Variants in BHMT observed in about 807,000 individuals in gnomAD.
BHMT encodes the protein betaine--homocysteine S-methyltransferase, also known as betaine--homocysteine S-methyltransferase 1.
BHMT carries 38 observed loss-of-function variants against 49.5 expected under a neutral mutation model. That is an observed-to-expected ratio of 0.77 (90% CI 0.59 to 1.01). The LOEUF is 1.01. Ranked by LOEUF, BHMT falls within the 50% of genes least tolerant of loss-of-function variation. The pLI is 0.00. For missense variants in BHMT, 426 were observed against 495.7 expected, an observed-to-expected ratio of 0.86 and a Z score of 1.34; for synonymous variants, 166 against 176.3, an observed-to-expected ratio of 0.94 and a Z score of 0.46.
chr5:79,119,211 C>T (rs145214742), intron 2 of BHMT, 48 bp from the exon 3 acceptor site: 21 of 1,375,550 alleles, frequency 1.5e-5, no homozygotes, highest in African/African-American at 1.2e-4. Flanking sequence ...TTGAAAATAT[C>T]GTGTGTTAAT....
intron 7 of BHMT, chr5:79,128,254 C>T (rs1250032045): frequency 1.7e-5 from 6 of 361,404 alleles, no homozygotes; most frequent in Non-Finnish European, 3.0e-5. Flanking sequence ...GGTGCGGTGG[C>T]TCGCGCCTGT....
Position 79,121,374 on chromosome 5 carries a change from A to C in BHMT, c.625+9A>C, listed in dbSNP as rs750228837. On this transcript the variant is annotated intron_variant, in intron 5 of 7. Transcript: ENST00000274353. ...GCGCCTGGTGAAAGCAGGTGATGAT[A>C]GATTTCAATCAGTTTGTGATTAGTA... The C allele has an allele frequency of 1.2e-6, 2 of 1,614,024 alleles. No individual in the cohort carries two copies. Among genetic ancestry groups the C allele is most frequent in the South Asian group, 2.2e-5 (2 of 91,082 alleles).
At position 79,124,875 on chromosome 5, in the gene BHMT, A is replaced by C. The variant is rs552098482; in HGVS notation, c.626-1171A>C. Among the ~76,000 whole-genome samples the C allele has an allele frequency of 1.2e-4, 18 of 152,310 alleles. No individual in the cohort carries two copies. The East Asian group carries it at 3.3e-3, about 28-fold the overall frequency. On this transcript the variant is annotated intron_variant, in intron 5 of 7. Transcript: ENST00000274353. ...AGGATTTTTGAGATTCTTTTTCCCC[A>C]AACTATTAATCCTAGACACAAAATT... is the stretch of plus-strand genomic sequence containing the variant.
chr5:79,122,240 C>T (rs190080831), intron 5 of BHMT, among the ~76,000 whole-genome samples: 1 of 152,254 alleles, frequency 6.6e-6, no homozygotes, highest in Admixed American at 6.5e-5. Flanking sequence ...TGCGCCCGGC[C>T]TTAGGCAGAT....
rs565192971 is a variant in BHMT, at chr5:79,126,325, G to C, written c.808+97G>C. ...CCCAGAGATCTTTTGTCATAGTGAAGAGATGGCTTGGTGTCTCCTCATGTC... is the reference window on the plus strand; with the variant it reads ...CCCAGAGATCTTTTGTCATAGTGAACAGATGGCTTGGTGTCTCCTCATGTC... On this transcript the variant is annotated intron_variant, in intron 6 of 7. Transcript: ENST00000274353. The C allele has an allele frequency of 2.4e-5, 34 of 1,406,506 alleles. No individual in the cohort carries two copies. The South Asian group carries it at 4.2e-4, about 17-fold the overall frequency. 87.1% of individuals were successfully genotyped at this position (1,406,506 alleles called of 1,614,324 possible).
At chr5:79,117,054 C>G (rs1756396399) in intron 2 of BHMT, among the ~76,000 whole-genome samples, 1 of 152,092 alleles carries the variant, frequency 6.6e-6, no homozygotes, top group Non-Finnish European at 1.5e-5. Flanking sequence ...ATAATTGCCC[C>G]CAGGTGACTC....
At position 79,131,225 on chromosome 5, in the gene BHMT, A is replaced by G; in HGVS notation, c.*109A>G. The G allele has an allele frequency of 9.8e-7, 1 of 1,022,172 alleles. No homozygotes were observed. 63.3% of individuals were successfully genotyped at this position (1,022,172 alleles called of 1,614,324 possible). A position where few individuals can be genotyped will look rare whatever the true frequency, so the allele number is the denominator to read the frequency against. On this transcript the variant is annotated 3_prime_UTR_variant, in exon 8 of 8. Coordinates refer to ENST00000274353, the MANE Select transcript of BHMT (RefSeq NM_001713.3). ...TGCTTTCATGAATGCCATCCTACACATATTATTGCTATTACCTGAACAAAA... is the reference window on the plus strand; with the variant it reads ...TGCTTTCATGAATGCCATCCTACACGTATTATTGCTATTACCTGAACAAAA...
chr5:79,128,528 T>TAAAAAAAAAAA, intron 7 of BHMT, among the ~76,000 whole-genome samples: 1 of 133,002 alleles, frequency 7.5e-6, no homozygotes, highest in South Asian at 2.6e-4. Context: ...AGACCCTGTT[T>TAAAAAAAAAAA]TAAAAAAAAA....
chr5:79,122,502 C>A (rs1181761311), intron 5 of BHMT, among the ~76,000 whole-genome samples: 1 of 151,794 alleles, frequency 6.6e-6, no homozygotes, highest in Non-Finnish European at 1.5e-5. Flanking sequence ...AAATAGCCAA[C>A]ATATTATTAA....
intron 5 of BHMT, among the ~76,000 whole-genome samples, chr5:79,123,473 A>G (rs1189478720): frequency 6.6e-6 from 1 of 152,170 alleles, no homozygotes; most frequent in Non-Finnish European, 1.5e-5. Context: ...TCTATATACA[A>G]AATACAAAAT....
At chr5:79,130,109 G>C (rs1386305964) in intron 7 of BHMT, among the ~76,000 whole-genome samples, 3 of 152,138 alleles carry the variant, frequency 2.0e-5, no homozygotes, top group Non-Finnish European at 4.4e-5. Flanking sequence ...GGGAGGCGGG[G>C]GTTGCAGTGA....
At chr5:79,121,516 G>A in intron 5 of BHMT, 151 bp downstream of exon 5, 2 of 1,227,626 alleles carry the variant, frequency 1.6e-6, no homozygotes, top group African/African-American at 1.5e-5. Context: ...GAATCCCAGA[G>A]GAAAAGTTTT....
chr5:79,126,358 T>G (rs1268073760), intron 6 of BHMT, 130 bp downstream of exon 6: 1 of 1,116,090 alleles, frequency 9.0e-7, no homozygotes, highest in Non-Finnish European at 1.3e-6. Flanking sequence ...GTCTTGTCCC[T>G]GGTTTCTGTC....
intron 1 of BHMT, among the ~76,000 whole-genome samples, chr5:79,114,491 T>C (rs777030228): frequency 3.9e-5 from 6 of 152,174 alleles, no homozygotes; most frequent in Non-Finnish European, 1.5e-5. Flanking sequence ...TGGCAAGGAA[T>C]TGGGATGCAA....
At chr5:79,122,543 G>A (rs73769970) in intron 5 of BHMT, among the ~76,000 whole-genome samples, 161 of 151,946 alleles carry the variant, frequency 1.1e-3, no homozygotes, top group African/African-American at 3.7e-3. Flanking sequence ...AATTAAGCAA[G>A]GAAAGAGAAA....
Position 79,115,797 on chromosome 5 carries a change from A to T in BHMT, c.64A>T (p.Ile22Phe). The T allele has an allele frequency of 6.2e-7, 1 of 1,613,464 alleles. No homozygotes were observed. The highest frequency in any genetic ancestry group is 8.5e-7 in the Non-Finnish European group (1 of 1,179,688). Residue 22 changes from isoleucine (I) to phenylalanine (F), a missense_variant, in exon 2 of 8, where the codon ATT (isoleucine) becomes TTT (phenylalanine). Ile to Phe is a conservative substitution (Grantham distance 21, BLOSUM62 0). Coordinates refer to ENST00000274353, the MANE Select transcript of BHMT (RefSeq NM_001713.3). ...GILERLNAGEIVIGDGGFVFA... is the reference protein window; with the variant it reads ...GILERLNAGEFVIGDGGFVFA... ...CCTAGAACGTTTAAATGCTGGAGAG[A>T]TTGTGATTGGAGATGGAGGGTTTGT...
chr5:79,115,767 G>T lies in BHMT; in HGVS notation c.34G>T (p.Gly12Cys). ...PPVGGKKAKK[G>C]ILERLNAGEI... The stretch of plus-strand genomic sequence containing the variant: ...TTTCCTCCCTCATCTGTAATTTTAG[G>T]GCATCCTAGAACGTTTAAATGCTGG... Residue 12 changes from glycine to cysteine, a missense_variant and splice_region_variant, in exon 2 of 8, where the codon GGC becomes TGC. Physicochemically the swap from Gly to Cys is radical, Grantham distance 159 (BLOSUM62 -3). Around this residue, in one of 3 missense-constraint regions of BHMT, gnomAD observed 321 missense variants for 355.9 expected, o/e 0.90. Transcript: ENST00000274353. 6.3e-7 allele frequency: 1 copy of T among 1,597,320 alleles called. No individual in the cohort carries two copies. Among genetic ancestry groups the T allele is most frequent in the South Asian group, 1.1e-5 (1 of 87,626 alleles).
chr5:79,131,273 T>A lies in BHMT; in HGVS notation c.*157T>A. The stretch of plus-strand genomic sequence containing the variant: ...AAATAGAATTACAAATAGCACTTGA[T>A]AATTTTAAAGTATGTTTTAGAAATT... On this transcript the variant is annotated 3_prime_UTR_variant, in exon 8 of 8. Coordinates refer to ENST00000274353, the MANE Select transcript of BHMT (RefSeq NM_001713.3). The A allele has an allele frequency of 1.4e-6, 1 of 739,330 alleles. No homozygotes were observed. Among genetic ancestry groups the A allele is most frequent in the South Asian group, 2.9e-5 (1 of 33,908 alleles). The allele number at this position is 739,330 out of a possible 1,614,324, so 45.8% of individuals were successfully genotyped here. A position where few individuals can be genotyped will look rare whatever the true frequency, so the allele number is the denominator to read the frequency against.
At chr5:79,116,822 C>A (rs770119306) in intron 2 of BHMT, among the ~76,000 whole-genome samples, 2 of 152,004 alleles carry the variant, frequency 1.3e-5, no homozygotes, top group African/African-American at 4.8e-5. Context: ...GTATAAGCGA[C>A]GTCATTGAGT....
Sources: allele counts gnomAD v4.1 joint callset (sites outside exome capture counted in the v4.1 genomes callset), GRCh38; gene constraint gnomAD v4.1.1; regional missense constraint gnomAD v4.1.1; transcripts MANE v1.5; gene names NCBI Gene and HGNC (gene_info 2026-07-23, HGNC 2026-07-21).